KAZN: variants seen among roughly 807,000 people sequenced by gnomAD.
KAZN encodes kazrin, periplakin interacting protein, also known as kazrin.
Under a neutral mutation model 87.4 loss-of-function variants are expected in KAZN, and 40 were observed. That is an observed-to-expected ratio of 0.46 (90% confidence interval 0.36 to 0.60). The LOEUF is 0.60. Among genes scored for constraint, KAZN ranks in the 20% least tolerant of loss-of-function variants. The pLI, the probability that KAZN is intolerant of heterozygous loss-of-function variation, is 0.00. For missense variants in KAZN, 898 were observed against 1,073.9 expected, an observed-to-expected ratio of 0.84 and a Z score of 2.29; for synonymous variants, 466 against 458.3, an observed-to-expected ratio of 1.02 and a Z score of -0.22.
At chr1:14,493,169 G>A (rs146021538) in intron 2 of KAZN, among the ~76,000 whole-genome samples, 3 of 151,266 alleles carry the variant, frequency 2.0e-5, no homozygotes, top group East Asian at 2.0e-4. Flanking sequence ...ATTCTGCCTC[G>A]GGGAATCTTA....
intron 2 of KAZN, among the ~76,000 whole-genome samples, chr1:14,453,378 G>T (rs941037040): frequency 4.6e-5 from 7 of 152,110 alleles, no homozygotes; most frequent in Admixed American, 4.6e-4. Context: ...TAATACAAAG[G>T]TAATAATCAA....
At chr1:15,053,775 A>C (rs1428872886) in intron 4 of KAZN, among the ~76,000 whole-genome samples, 1 of 152,226 alleles carries the variant, frequency 6.6e-6, no homozygotes, top group Non-Finnish European at 1.5e-5. Context: ...TGTTGCACAG[A>C]GCGCGTGAGG....
chr1:14,325,191 T>C (rs1173784696), intron 2 of KAZN, among the ~76,000 whole-genome samples: 1 of 152,024 alleles, frequency 6.6e-6, no homozygotes. Context: ...CTCTCTCTCT[T>C]TTTCACCTCG....
At chr1:14,481,842 G>A (rs1669102251) in intron 2 of KAZN, among the ~76,000 whole-genome samples, 2 of 152,180 alleles carry the variant, frequency 1.3e-5, no homozygotes, top group Admixed American at 6.5e-5. Context: ...CTGCCTTCCT[G>A]AGGAATGTTC....
chr1:14,584,250 G>A (rs1268796211), intron 2 of KAZN, among the ~76,000 whole-genome samples: 1 of 152,200 alleles, frequency 6.6e-6, no homozygotes, highest in Non-Finnish European at 1.5e-5. Flanking sequence ...GACTGACCGA[G>A]GGATAGGCCC....
At chr1:14,600,945 C>T (rs1247982682) in intron 1 of KAZN, among the ~76,000 whole-genome samples, 1 of 152,208 alleles carries the variant, frequency 6.6e-6, no homozygotes, top group African/African-American at 2.4e-5. Flanking sequence ...ACATGCTCAA[C>T]TTGAAAACTG....
chr1:14,390,261 C>T (rs376327247), intron 2 of KAZN, among the ~76,000 whole-genome samples: 1 of 152,104 alleles, frequency 6.6e-6, no homozygotes, highest in African/African-American at 2.4e-5. Context: ...AAAACAGGCT[C>T]TTGTACATCT....
intron 1 of KAZN, among the ~76,000 whole-genome samples, chr1:14,683,081 G>T (rs551454375): frequency 6.6e-6 from 1 of 152,294 alleles, no homozygotes; most frequent in East Asian, 1.9e-4. Flanking sequence ...ATGAGAGGAG[G>T]CGCCTGCTGA....
At chr1:13,943,423 A>T (rs891459164) in intron 1 of KAZN, among the ~76,000 whole-genome samples, 3 of 152,174 alleles carry the variant, frequency 2.0e-5, no homozygotes, top group Non-Finnish European at 2.9e-5. Flanking sequence ...TGGGCAACAT[A>T]GCAAGACCCC....
At chr1:14,083,514 G>A (rs998775781) in intron 1 of KAZN, among the ~76,000 whole-genome samples, 1 of 152,200 alleles carries the variant, frequency 6.6e-6, no homozygotes, top group East Asian at 1.9e-4. Flanking sequence ...AGTGATTTAT[G>A]CAAGTGACTA....
intron 2 of KAZN, among the ~76,000 whole-genome samples, chr1:14,239,553 C>T (rs532667413): frequency 6.0e-5 from 9 of 149,142 alleles, no homozygotes; most frequent in Non-Finnish European, 1.2e-4. Flanking sequence ...TTCTGCCTCC[C>T]GGGTTCAGGC....
intron 1 of KAZN, among the ~76,000 whole-genome samples, chr1:13,894,788 G>T (rs1194623961): frequency 6.6e-6 from 1 of 152,194 alleles, no homozygotes; most frequent in Non-Finnish European, 1.5e-5. Context: ...ATTCAGGGCT[G>T]CTGGGTCCAT....
rs546050142 is a variant in KAZN at position 14,303,528 on chromosome 1, C to T, written c.249+122936C>T. On this transcript the variant is annotated intron_variant, in intron 2 of 16. Coordinates refer to the KAZN transcript ENST00000636203. ...AAAGTGCTGGGATTACAGGCGTGAG[C>T]CACTGCGCCCAGACGGGAATCTGCA... Among the ~76,000 whole-genome samples, 3 of 152,332 alleles carry T rather than the reference C, an allele frequency of 2.0e-5. No homozygotes were observed. The South Asian group carries it at 6.2e-4, about 32-fold the overall frequency.
intron 1 of KAZN, among the ~76,000 whole-genome samples, chr1:14,819,677 C>CATGTG (rs1342608442): frequency 6.7e-6 from 1 of 149,734 alleles, no homozygotes; most frequent in African/African-American, 2.5e-5. Context: ...TCCCCACCAT[C>CATGTG]ATGTGAGCCA....
chr1:14,581,481 A>G (rs1336581440), intron 2 of KAZN, among the ~76,000 whole-genome samples: 1 of 152,140 alleles, frequency 6.6e-6, no homozygotes, highest in Non-Finnish European at 1.5e-5. Context: ...ACAGCTGCCT[A>G]CATGGTTTCC....
chr1:14,595,680 C>CAAAAAAAAAAAAAA (rs34080804), upstream of KAZN, among the ~76,000 whole-genome samples: 1 of 96,690 alleles, frequency 1.0e-5, no homozygotes, highest in Non-Finnish European at 2.1e-5. Flanking sequence ...GACTGCGTCT[C>CAAAAAAAAAAAAAA]AAAAAAAAAA....
chr1:14,896,133 C>A (rs1335517334), intron 1 of KAZN, among the ~76,000 whole-genome samples: 1 of 149,230 alleles, frequency 6.7e-6, no homozygotes, highest in Non-Finnish European at 1.5e-5. Flanking sequence ...CTGCTCACTG[C>A]AACCTCTGCT....
intron 1 of KAZN, among the ~76,000 whole-genome samples, chr1:14,904,468 A>G (rs1249825062): frequency 6.6e-6 from 1 of 152,244 alleles, no homozygotes; most frequent in African/African-American, 2.4e-5. Flanking sequence ...ACCCAGTTCC[A>G]AACAAGAGAC....
At chr1:14,253,819 A>G (rs1401397957) in intron 2 of KAZN, among the ~76,000 whole-genome samples, 2 of 151,942 alleles carry the variant, frequency 1.3e-5, no homozygotes, top group Admixed American at 6.6e-5. Flanking sequence ...CTTTCATTTC[A>G]TAGAGCCCTC....
Sources: gnomAD v4.1 joint callset for allele counts (sites outside exome capture counted in the v4.1 genomes callset) on GRCh38, gnomAD v4.1.1 for gene constraint, MANE v1.5 for transcripts, NCBI Gene and HGNC (gene_info 2026-07-23, HGNC 2026-07-21) for gene names.